The following ADSS2 variants were observed in gnomAD, a reference collection of about 807,000 sequenced individuals.
ADSS2 encodes adenylosuccinate synthetase isozyme 2.
Under a neutral mutation model 60.0 loss-of-function variants are expected in ADSS2, and 30 were observed. The ratio of observed to expected loss-of-function variants is 0.50; its 90% CI spans 0.37 to 0.68. The LOEUF is 0.68. Ranked by LOEUF, ADSS2 falls within the 30% of genes least tolerant of loss-of-function variation. The probability of loss-of-function intolerance (pLI) is 0.00; values close to 1 mark genes in which losing one functional copy is unlikely to be tolerated. For missense variants in ADSS2, 373 were observed against 554.8 expected (o/e 0.67, Z 3.29); for synonymous variants, 187 against 193.1 (o/e 0.97, Z 0.26).
At chr1:244,424,145 A>T in intron 5 of ADSS2, 85 bp from the exon 6 acceptor site, 4 of 1,244,884 alleles carry the variant, frequency 3.2e-6, no homozygotes, top group Non-Finnish European at 4.5e-6. Context: ...ATAAAGTTAC[A>T]TATGACTATT....
At chr1:244,421,499 G>A (rs762809754) in intron 7 of ADSS2, among the ~76,000 whole-genome samples, 5 of 152,066 alleles carry the variant, frequency 3.3e-5, no homozygotes, top group Non-Finnish European at 7.4e-5. Context: ...TAGTCATCAC[G>A]TTCTTTGTTC....
chr1:244,420,318 A>G, intron 7 of ADSS2, 22 bp from the exon 8 acceptor site: 1 of 1,587,506 alleles, frequency 6.3e-7, no homozygotes, highest in Non-Finnish European at 8.6e-7. Context: ...GACAAAAACC[A>G]ATTTCCATGT....
intron 1 of ADSS2, among the ~76,000 whole-genome samples, chr1:244,441,248 C>T (rs938851229): frequency 2.6e-5 from 4 of 151,896 alleles, no homozygotes; most frequent in East Asian, 1.9e-4. Flanking sequence ...TTAGTAGAGA[C>T]GGGGTTTCAC....
chr1:244,417,831 T>C (rs956235627), intron 9 of ADSS2, 79 bp from the exon 10 acceptor site: 5 of 1,322,824 alleles, frequency 3.8e-6, no homozygotes, highest in East Asian at 4.9e-5. Context: ...CTAGAGATCA[T>C]AGCAAAGCCT....
chr1:244,416,985 T>TA (rs1664548556), intron 10 of ADSS2, among the ~76,000 whole-genome samples: 1 of 152,248 alleles, frequency 6.6e-6, no homozygotes. Flanking sequence ...ACTTTATTGT[T>TA]ATTTACTGGA....
Position 244,451,331 on chromosome 1 carries a change from T to G in ADSS2, c.183+304A>C, listed in dbSNP as rs995750798. On this transcript the variant is annotated intron_variant, in intron 1 of 12. Coordinates refer to ENST00000366535, the MANE Select transcript of ADSS2 (RefSeq NM_001126.5). This position sits in a 1 kb window ranked among gnomAD's most constrained non-coding sequence, Gnocchi z 6.6. ...TCCACCCCGGCCTCAGTCCCGGCGC[T>G]GAGCACCACTCGCCAGACGCAAAAC... is the stretch of plus-strand genomic sequence containing the variant. Among the ~76,000 whole-genome samples the G allele has an allele frequency of 6.6e-6, 1 of 152,136 alleles. No individual in the cohort carries two copies. Among genetic ancestry groups the G allele is most frequent in the African/African-American group, 2.4e-5 (1 of 41,432 alleles).
chr1:244,423,764 A>T (rs3127459), intron 6 of ADSS2, among the ~76,000 whole-genome samples, 189 bp downstream of exon 6: 68,829 of 152,026 alleles, frequency 0.45, 16,044 homozygotes, highest in East Asian at 0.73. Flanking sequence ...GTCATGTTAT[A>T]TTTCATGAAG....
intron 1 of ADSS2, among the ~76,000 whole-genome samples, chr1:244,439,140 CAT>C (rs933091448): frequency 2.2e-4 from 33 of 152,190 alleles, no homozygotes; most frequent in African/African-American, 7.7e-4. Context: ...TAAGTGGGAA[CAT>C]GTGAAGTTTG....
chr1:244,449,253 T>A (rs533448915), intron 1 of ADSS2, among the ~76,000 whole-genome samples: 1 of 152,356 alleles, frequency 6.6e-6, no homozygotes, highest in East Asian at 1.9e-4. Flanking sequence ...TTTAAAACTA[T>A]ATTTTATGTT....
At chr1:244,442,052 C>T (rs1313376583) in intron 1 of ADSS2, among the ~76,000 whole-genome samples, 1 of 152,078 alleles carries the variant, frequency 6.6e-6, no homozygotes, top group Admixed American at 6.5e-5. Context: ...AGTAGGTCTC[C>T]TAATTTACAC....
intron 7 of ADSS2, among the ~76,000 whole-genome samples, chr1:244,421,929 A>G (rs753337861): frequency 1.3e-5 from 2 of 152,214 alleles, no homozygotes; most frequent in Non-Finnish European, 2.9e-5. Flanking sequence ...AGCTGTGTTC[A>G]TGCCACTGTA....
intron 3 of ADSS2, among the ~76,000 whole-genome samples, chr1:244,435,815 A>T (rs1232405760): frequency 1.3e-5 from 2 of 152,246 alleles, no homozygotes; most frequent in Non-Finnish European, 2.9e-5. Flanking sequence ...AGTGGGAAAA[A>T]TGTGTTCAGG....
intron 11 of ADSS2, among the ~76,000 whole-genome samples, chr1:244,413,770 G>A (rs891334057): frequency 6.6e-6 from 1 of 152,156 alleles, no homozygotes; most frequent in African/African-American, 2.4e-5. Flanking sequence ...GACTCTAGAA[G>A]TCAGTAGTGC....
chr1:244,412,882 T>TGTTG (rs2147986305), intron 11 of ADSS2, among the ~76,000 whole-genome samples: 1 of 152,290 alleles, frequency 6.6e-6, no homozygotes, highest in East Asian at 1.9e-4. Context: ...GGTTGTGGCA[T>TGTTG]CCTGTTGCTT....
At chr1:244,451,930 G>A, upstream of ADSS2, 1 of 1,156,518 alleles carries the variant, frequency 8.6e-7, no homozygotes, top group Non-Finnish European at 1.2e-6. The surrounding 1 kb of genome is among the most constrained non-coding windows in gnomAD (Gnocchi z 6.6). Flanking sequence ...CCAGAGGCCG[G>A]CCCCGCCCCC....
intron 1 of ADSS2, among the ~76,000 whole-genome samples, chr1:244,442,478 T>C (rs1665272419): frequency 1.3e-5 from 2 of 152,210 alleles, no homozygotes; most frequent in South Asian, 2.1e-4. Context: ...TTGATTATTA[T>C]ATGGTTTAAA....
intron 10 of ADSS2, 140 bp downstream of exon 10, chr1:244,417,488 G>T: frequency 2.0e-6 from 2 of 1,013,918 alleles, no homozygotes; most frequent in Non-Finnish European, 1.4e-6. Flanking sequence ...CTATATCTTG[G>T]TCTACTTCTG....
At chr1:244,452,024 C>T, upstream of ADSS2, 1 of 449,982 alleles carries the variant, frequency 2.2e-6, no homozygotes, top group Non-Finnish European at 3.7e-6. Context: ...GACTGCCCCG[C>T]GCAGGCCGGC....
In ADSS2 at chr1:244,418,820, T is replaced by G; in HGVS notation, c.885A>C (p.Gly295=). Reference sequence around the variant, plus strand: ...CTCTAGTTGTATAAGCTTTCACAACTCCATACACTTCTCCAACATTTTGAG... The same window carrying G: ...CTCTAGTTGTATAAGCTTTCACAACGCCATACACTTCTCCAACATTTTGAG... ...MPPQNVGEVY[G]VVKAYTTRVG... is the part of the protein sequence containing the mutation. The change falls in exon 9 of 13, where the codon GGA becomes GGC. Residue 295 remains glycine (G), a synonymous_variant. Coordinates refer to ENST00000366535, the MANE Select transcript of ADSS2 (RefSeq NM_001126.5). 1 of 1,614,050 alleles carries G rather than the reference T, an allele frequency of 6.2e-7. No individual in the cohort carries two copies. Among genetic ancestry groups the G allele is most frequent in the Non-Finnish European group, 8.5e-7 (1 of 1,179,970 alleles).
Sources: gnomAD v4.1 joint callset for allele counts (sites outside exome capture counted in the v4.1 genomes callset) on GRCh38, gnomAD v4.1.1 for gene constraint, Gnocchi (gnomAD v3.1) non-coding constraint, MANE v1.5 for transcripts, NCBI Gene and HGNC (gene_info 2026-07-23, HGNC 2026-07-21) for gene names.